Variants in SLC25A13 observed in about 807,000 individuals in gnomAD.
The protein encoded by SLC25A13 is solute carrier family 25 member 13, also known as electrogenic aspartate/glutamate antiporter SLC25A13, mitochondrial.
SLC25A13 carries 70 observed loss-of-function variants against 85.5 expected under a neutral mutation model. The ratio of observed to expected loss-of-function variants is 0.82; its 90% confidence interval spans 0.68 to 1.00. SLC25A13 has a LOEUF of 1.00. Ranked by LOEUF, SLC25A13 falls within the 50% of genes least tolerant of loss-of-function variation. The pLI is 0.00. For missense variants in SLC25A13, 765 were observed against 819.8 expected, an observed-to-expected ratio of 0.93 and a Z score of 0.82; for synonymous variants, 259 against 288.7, an observed-to-expected ratio of 0.90 and a Z score of 1.04.
intron 5 of SLC25A13, among the ~76,000 whole-genome samples, chr7:96,199,221 C>T (rs945624819): frequency 2.0e-5 from 3 of 152,268 alleles, no homozygotes; most frequent in South Asian, 4.1e-4. Context: ...TCCAGGCAGT[C>T]GGCTTCTGGA....
chr7:96,271,973 G>T (rs1002288437), intron 3 of SLC25A13, among the ~76,000 whole-genome samples: 2 of 151,944 alleles, frequency 1.3e-5, no homozygotes, highest in African/African-American at 2.4e-5. Context: ...GCAGCCTCCA[G>T]CTCCTGGGTT....
intron 5 of SLC25A13, among the ~76,000 whole-genome samples, chr7:96,202,777 C>T (rs1161118496): frequency 2.0e-5 from 3 of 152,132 alleles, no homozygotes; most frequent in South Asian, 2.1e-4. Context: ...TAAAGCACTA[C>T]TCTGTAGCCC....
chr7:96,263,292 C>G (rs114447814), intron 3 of SLC25A13, among the ~76,000 whole-genome samples: 1 of 152,128 alleles, frequency 6.6e-6, no homozygotes, highest in Non-Finnish European at 1.5e-5. Flanking sequence ...CTGGACTTTG[C>G]CTATTCTGTC....
chr7:96,257,103 G>T (rs1050347481), intron 3 of SLC25A13, among the ~76,000 whole-genome samples: 12 of 152,106 alleles, frequency 7.9e-5, no homozygotes, highest in African/African-American at 2.9e-4. Context: ...AATGCCCATA[G>T]GAAAAGGCGG....
chr7:96,263,731 T>A (rs115100801), intron 3 of SLC25A13, among the ~76,000 whole-genome samples: 429 of 152,292 alleles, frequency 2.8e-3, no homozygotes, highest in African/African-American at 9.6e-3. Context: ...AATATACTGA[T>A]CCTTCAAACA....
intron 14 of SLC25A13, among the ~76,000 whole-genome samples, chr7:96,139,696 C>T (rs1792441864): frequency 6.6e-6 from 1 of 152,144 alleles, no homozygotes; most frequent in Non-Finnish European, 1.5e-5. Context: ...CACTTAGACA[C>T]CTCATATGAA....
chr7:96,234,794 C>G lies in SLC25A13; in HGVS notation c.328+8G>C. The stretch of plus-strand genomic sequence containing the variant: ...TTACACAGACGTGCACAGAAGCATG[C>G]TTCTTACCAAAAGTTACTTCTCCTT... On this transcript the variant is annotated splice_region_variant and intron_variant, in intron 4 of 17. Coordinates refer to ENST00000265631, the MANE Select transcript of SLC25A13 (RefSeq NM_014251.3). 6.2e-7 allele frequency: 1 copy of G among 1,605,834 alleles called. No individual in the cohort carries two copies. Among genetic ancestry groups the G allele is most frequent in the Non-Finnish European group, 8.5e-7 (1 of 1,173,632 alleles).
At chr7:96,139,452 G>T (rs1361971171) in intron 14 of SLC25A13, among the ~76,000 whole-genome samples, 1 of 151,730 alleles carries the variant, frequency 6.6e-6, no homozygotes, top group Non-Finnish European at 1.5e-5. Flanking sequence ...GACATTACAT[G>T]ACCTGTAGTA....
intron 3 of SLC25A13, among the ~76,000 whole-genome samples, chr7:96,265,587 C>G (rs1268145450): frequency 1.3e-5 from 2 of 152,092 alleles, no homozygotes; most frequent in African/African-American, 4.8e-5. Flanking sequence ...AAAATGTAAT[C>G]TTGTGTAATC....
chr7:96,309,961 A>C (rs1370564966), intron 1 of SLC25A13, among the ~76,000 whole-genome samples: 1 of 152,176 alleles, frequency 6.6e-6, no homozygotes, highest in African/African-American at 2.4e-5. Flanking sequence ...CCTTATACGA[A>C]GAGGAAATTA....
chr7:96,201,565 C>T (rs1266786761), intron 5 of SLC25A13, among the ~76,000 whole-genome samples: 1 of 150,330 alleles, frequency 6.7e-6, no homozygotes, highest in Non-Finnish European at 1.5e-5. Context: ...ACAAACAAGA[C>T]AAGTTGGGGG....
chr7:96,153,537 A>G (rs1179095364), intron 13 of SLC25A13, among the ~76,000 whole-genome samples: 2 of 152,226 alleles, frequency 1.3e-5, no homozygotes, highest in East Asian at 3.9e-4. Flanking sequence ...TGGGCTGCAT[A>G]CCTGCACCTG....
At position 96,158,936 on chromosome 7, in the gene SLC25A13, T is replaced by C. The variant is rs921246746; in HGVS notation, c.1311+11109A>G. Among the ~76,000 whole-genome samples the C allele has an allele frequency of 1.5e-4, 23 of 152,378 alleles. 1 individual carries two copies. Among genetic ancestry groups the C allele is most frequent in the Admixed American group, 1.3e-3 (20 of 15,308 alleles). On this transcript the variant is annotated intron_variant, in intron 13 of 17. Coordinates refer to ENST00000265631, the MANE Select transcript of SLC25A13 (RefSeq NM_014251.3). ...AATAGAGACATGAAAATAATTTGTA[T>C]GTAACCAACTATTATTGTATGCAGA...
chr7:96,216,921 GA>G (rs1240252698), intron 4 of SLC25A13, among the ~76,000 whole-genome samples: 1 of 151,262 alleles, frequency 6.6e-6, no homozygotes, highest in African/African-American at 2.4e-5. Context: ...AAAAAAGAGA[GA>G]AAAAAAGAAA....
chr7:96,168,694 C>T (rs942642006), intron 13 of SLC25A13, among the ~76,000 whole-genome samples: 2 of 152,174 alleles, frequency 1.3e-5, no homozygotes, highest in Non-Finnish European at 2.9e-5. Context: ...TTAATTCTTA[C>T]AGAAATCTAT....
At chr7:96,239,037 TTATA>T (rs58990918) in intron 3 of SLC25A13, among the ~76,000 whole-genome samples, 71,192 of 130,610 alleles carry the variant, frequency 0.55, 20,241 homozygotes, top group Non-Finnish European at 0.62. Flanking sequence ...ACTATATATT[TTATA>T]TATATATATA....
chr7:96,271,345 G>A (rs1412667510), intron 3 of SLC25A13, among the ~76,000 whole-genome samples: 3 of 151,880 alleles, frequency 2.0e-5, no homozygotes, highest in African/African-American at 4.8e-5. Context: ...ATTACTACAC[G>A]CCAACTAGAA....
At chr7:96,157,388 TTC>T (rs1793322952) in intron 13 of SLC25A13, among the ~76,000 whole-genome samples, 1 of 152,214 alleles carries the variant, frequency 6.6e-6, no homozygotes, top group African/African-American at 2.4e-5. Context: ...TAAGCTTGAT[TTC>T]TTCTTCTCCT....
intron 3 of SLC25A13, among the ~76,000 whole-genome samples, chr7:96,270,720 G>A (rs1321108381): frequency 2.0e-5 from 3 of 152,044 alleles, no homozygotes; most frequent in Non-Finnish European, 2.9e-5. Context: ...TAAAATATAA[G>A]TATAAATAAA....
Sources: allele counts gnomAD v4.1 joint callset (sites outside exome capture counted in the v4.1 genomes callset), GRCh38; gene constraint gnomAD v4.1.1; transcripts MANE v1.5; gene names NCBI Gene and HGNC (gene_info 2026-07-23, HGNC 2026-07-21).